Variants in CLNK observed in about 807,000 individuals in gnomAD.
CLNK encodes cytokine dependent hematopoietic cell linker.
In CLNK, 74 loss-of-function variants were observed where a neutral mutation model predicts 68.6. The ratio of observed to expected loss-of-function variants is 1.08; its 90% CI spans 0.89 to 1.31. The LOEUF (loss-of-function observed/expected upper bound fraction) is 1.31, where lower values mean the gene tolerates loss of function less well. CLNK is among the 50% of genes most tolerant of loss of function. The pLI is 0.00. For missense variants in CLNK, 553 were observed against 515.3 expected, an observed-to-expected ratio of 1.07 and a Z score of -0.71; for synonymous variants, 198 against 172.2, an observed-to-expected ratio of 1.15 and a Z score of -1.17.
intron 14 of CLNK, among the ~76,000 whole-genome samples, chr4:10,522,526 A>G (rs1432709062): frequency 6.9e-6 from 1 of 145,924 alleles, no homozygotes; most frequent in Non-Finnish European, 1.5e-5. Context: ...GTGAGCCGAG[A>G]TCGTACCACT....
At chr4:10,704,502 A>T in the CLNK span, among the ~76,000 whole-genome samples, 2 of 152,086 alleles carry the variant, frequency 1.3e-5, no homozygotes, top group East Asian at 3.9e-4. Context: ...CCCTACTCTG[A>T]ACCCCTGGGG....
chr4:10,523,725 AATTAC>A (rs1329253481), intron 14 of CLNK, among the ~76,000 whole-genome samples: 1 of 152,194 alleles, frequency 6.6e-6, no homozygotes, highest in East Asian at 1.9e-4. Context: ...ACTTTTAGAA[AATTAC>A]ATTAAGAAAG....
intron 7 of CLNK, among the ~76,000 whole-genome samples, chr4:10,563,630 C>T (rs1320353691): frequency 6.6e-6 from 1 of 152,086 alleles, no homozygotes; most frequent in Non-Finnish European, 1.5e-5. Context: ...TGACAATGGC[C>T]CGGCGCGGTG....
At chr4:10,493,376 T>A (rs143702546) in intron 18 of CLNK, among the ~76,000 whole-genome samples, 29 of 152,220 alleles carry the variant, frequency 1.9e-4, no homozygotes, top group Admixed American at 1.8e-3. Context: ...AGCAGAAATG[T>A]ATGTCTCACT....
chr4:10,717,190 C>T, the CLNK span, among the ~76,000 whole-genome samples: 1 of 152,168 alleles, frequency 6.6e-6, no homozygotes, highest in African/African-American at 2.4e-5. Context: ...TAAAAAGCCC[C>T]CTCTCCATGT....
chr4:10,700,460 A>G, the CLNK span, among the ~76,000 whole-genome samples: 2 of 152,192 alleles, frequency 1.3e-5, no homozygotes, highest in Non-Finnish European at 2.9e-5. Flanking sequence ...GTGGGTTGTT[A>G]TTATACATTC....
chr4:10,503,983 A>T (rs1717172448), intron 17 of CLNK, among the ~76,000 whole-genome samples: 1 of 150,946 alleles, frequency 6.6e-6, no homozygotes. Flanking sequence ...GGGTTTCACC[A>T]TGTTGGCCAG....
intron 2 of CLNK, among the ~76,000 whole-genome samples, chr4:10,638,097 C>T (rs1723166090): frequency 6.6e-6 from 1 of 152,114 alleles, no homozygotes; most frequent in Non-Finnish European, 1.5e-5. Context: ...GAATGTAGCC[C>T]CGAACTGTAC....
At chr4:10,719,251 A>G in the CLNK span, among the ~76,000 whole-genome samples, 1 of 152,158 alleles carries the variant, frequency 6.6e-6, no homozygotes, top group East Asian at 1.9e-4. Flanking sequence ...AAAGACAGAT[A>G]TTAGCAGAGT....
chr4:10,571,482 A>G (rs1354325606), intron 5 of CLNK, among the ~76,000 whole-genome samples: 1 of 151,552 alleles, frequency 6.6e-6, no homozygotes, highest in African/African-American at 2.4e-5. Flanking sequence ...TTACAGGCTC[A>G]CACCACCATG....
chr4:10,691,211 T>C, the CLNK span, among the ~76,000 whole-genome samples: 1 of 152,230 alleles, frequency 6.6e-6, no homozygotes, highest in African/African-American at 2.4e-5. Context: ...TAATATGTAT[T>C]GGGGTATACA....
chr4:10,566,688 A>T (rs910351759), intron 5 of CLNK, among the ~76,000 whole-genome samples: 1 of 152,200 alleles, frequency 6.6e-6, no homozygotes, highest in African/African-American at 2.4e-5. Context: ...TTGAAAATAG[A>T]AATTAAGAAA....
intron 4 of CLNK, among the ~76,000 whole-genome samples, chr4:10,584,028 C>T (rs900012748): frequency 1.2e-4 from 18 of 152,148 alleles, no homozygotes; most frequent in African/African-American, 4.3e-4. Context: ...CTAAAGACCC[C>T]AACACAATTT....
intron 4 of CLNK, among the ~76,000 whole-genome samples, chr4:10,577,697 CG>C (rs1490708906): frequency 1.2e-4 from 18 of 151,484 alleles, no homozygotes; most frequent in African/African-American, 4.4e-4. Flanking sequence ...AGCAAGAAGG[CG>C]GGAAGAACAG....
At chr4:10,555,568 G>T (rs1355660163) in intron 8 of CLNK, among the ~76,000 whole-genome samples, 2 of 152,156 alleles carry the variant, frequency 1.3e-5, no homozygotes, top group Non-Finnish European at 2.9e-5. Flanking sequence ...AAGATGATAA[G>T]TTCTTGAAAT....
chr4:10,589,065 TAA>T (rs1721087963), intron 3 of CLNK, among the ~76,000 whole-genome samples: 1 of 152,186 alleles, frequency 6.6e-6, no homozygotes, highest in Non-Finnish European at 1.5e-5. Flanking sequence ...GAATTTTTGC[TAA>T]GAGAGTAAAT....
chr4:10,602,452 T>C (rs1008172579), intron 2 of CLNK, among the ~76,000 whole-genome samples: 13 of 152,194 alleles, frequency 8.5e-5, no homozygotes, highest in Admixed American at 2.0e-4. Context: ...TGTTCTTCTA[T>C]GAGGAGGCTG....
chr4:10,493,171 A>C (rs193156488), intron 18 of CLNK, among the ~76,000 whole-genome samples: 2,044 of 152,256 alleles, frequency 0.013, 23 homozygotes, highest in South Asian at 0.027. Flanking sequence ...ATAAAAAATT[A>C]GCCGGGCATG....
the CLNK span, among the ~76,000 whole-genome samples, chr4:10,731,316 A>G: frequency 6.6e-6 from 1 of 152,224 alleles, no homozygotes; most frequent in Non-Finnish European, 1.5e-5. Flanking sequence ...TTTTTCTGAG[A>G]CAGTCTCTCG....
Sources: allele counts gnomAD v4.1 joint callset (sites outside exome capture counted in the v4.1 genomes callset), GRCh38; gene constraint gnomAD v4.1.1; transcripts MANE v1.5; gene names NCBI Gene and HGNC (gene_info 2026-07-23, HGNC 2026-07-21).